Variants in USP9X observed in about 807,000 individuals in gnomAD.
The protein encoded by USP9X is ubiquitin specific peptidase 9 X-linked, also known as ubiquitin carboxyl-terminal hydrolase 9X.
A neutral mutation model predicts 190.3 loss-of-function variants in USP9X; 7 were observed. The observed-to-expected ratio is 0.04, with a 90% CI of 0.02 to 0.07. USP9X has a LOEUF of 0.07. Among genes scored for constraint, USP9X ranks in the 10% least tolerant of loss-of-function variants. The pLI is 1.00. For synonymous variants in USP9X, 645 were observed against 659.5 expected, an observed-to-expected ratio of 0.98 and a Z score of 0.34; for missense variants, 1,010 against 1,916.9, an observed-to-expected ratio of 0.53 and a Z score of 8.83.
intron 33 of USP9X, among the ~76,000 whole-genome samples, chrX:41,212,077 A>G (rs1459581595): frequency 8.9e-6 from 1 of 112,657 alleles, no homozygotes; most frequent in African/African-American, 3.2e-5. Context: ...CTGTGTAGAA[A>G]GAGGTAGACA....
chrX:41,217,759 G>A (rs750976097), intron 36 of USP9X, among the ~76,000 whole-genome samples: 2 of 110,920 alleles, frequency 1.8e-5, no homozygotes, highest in Non-Finnish European at 3.8e-5. Flanking sequence ...GTATGGTGGC[G>A]CACACCTGTA....
At chrX:41,089,191 A>T (rs930182542) in intron 1 of USP9X, among the ~76,000 whole-genome samples, 46 of 112,116 alleles carry the variant, frequency 4.1e-4, no homozygotes, top group African/African-American at 1.5e-3. Flanking sequence ...AGTTATTAGC[A>T]TGATTATCAT....
intron 32 of USP9X, among the ~76,000 whole-genome samples, chrX:41,209,576 C>G (rs2063141207): frequency 9.0e-6 from 1 of 111,389 alleles, no homozygotes; most frequent in African/African-American, 3.3e-5. Context: ...GGTACCTTTT[C>G]CCTTTTGAAA....
At chrX:41,124,790 C>T (rs1210095944) in intron 2 of USP9X, among the ~76,000 whole-genome samples, 4 of 111,946 alleles carry the variant, frequency 3.6e-5, no homozygotes, top group Non-Finnish European at 5.6e-5. Context: ...CGTTATGACT[C>T]TGGGTTAATT....
At chrX:41,103,370 T>C (rs761700436) in intron 1 of USP9X, among the ~76,000 whole-genome samples, 14 of 112,570 alleles carry the variant, frequency 1.2e-4, no homozygotes, top group South Asian at 1.1e-3. Flanking sequence ...TCCAGATGAC[T>C]GCCTCATAAT....
At chrX:41,148,627 G>A (rs1315298944) in intron 12 of USP9X, 52 bp downstream of exon 12, 5 of 1,083,735 alleles carry the variant, frequency 4.6e-6, no homozygotes, top group African/African-American at 3.7e-5. Flanking sequence ...CTTCAGTTAG[G>A]TTGGCTTAGT....
intron 1 of USP9X, among the ~76,000 whole-genome samples, chrX:41,086,520 C>G (rs1046228070): frequency 1.1e-3 from 119 of 112,409 alleles, no homozygotes; most frequent in Non-Finnish European, 2.0e-3. Flanking sequence ...CTTTCCTACC[C>G]GGTCTGGTTC....
At chrX:41,164,826 C>T (rs945255674) in intron 15 of USP9X, among the ~76,000 whole-genome samples, 1 of 111,772 alleles carries the variant, frequency 8.9e-6, no homozygotes, top group Non-Finnish European at 1.9e-5. Flanking sequence ...CCTATTAGAC[C>T]GGTAGTTTTT....
rs1569202110 is a variant in USP9X at position 41,223,376 on chromosome X, C to T, written c.6725C>T (p.Ser2242Phe). The part of the protein sequence containing the change: ...VSQLIRCCNV[S>F]SRMQSSINGN... The stretch of plus-strand genomic sequence containing the variant: ...CAGCTGATCCGCTGTTGCAATGTCT[C>T]TTCAAGAATGCAGTCTTCAATCAAT... Residue 2242 changes from serine to phenylalanine, a missense_variant, in exon 39 of 45, where the codon TCT becomes TTT. This residue lies in a region of USP9X where 121 missense variants were observed against 281.2 expected (regional missense o/e 0.43). Coordinates refer to ENST00000378308, the MANE Select transcript of USP9X (RefSeq NM_001039591.3). 3.3e-6 allele frequency: 4 copies of T among 1,210,151 alleles called. No homozygotes were observed. The highest frequency in any genetic ancestry group is 4.5e-6 in the Non-Finnish European group (4 of 895,150).
chrX:41,205,072 G>T (rs1245832804), intron 31 of USP9X: 1 of 289,179 alleles, frequency 3.5e-6, no homozygotes, highest in African/African-American at 2.7e-5. Context: ...CTATGCTAAT[G>T]CTACACTATA....
intron 26 of USP9X, among the ~76,000 whole-genome samples, chrX:41,194,590 T>C (rs773479755): frequency 4.5e-5 from 5 of 111,168 alleles, no homozygotes; most frequent in Non-Finnish European, 9.4e-5. Flanking sequence ...TTCTGAGTTA[T>C]CTAGTAACTA....
intron 1 of USP9X, among the ~76,000 whole-genome samples, chrX:41,108,840 G>A (rs1479086938): frequency 9.0e-6 from 1 of 111,310 alleles, no homozygotes; most frequent in Admixed American, 9.6e-5. Context: ...TTAGGACCAC[G>A]CTTTTCTTGA....
At chrX:41,132,630 T>C (rs2062332730) in intron 4 of USP9X, among the ~76,000 whole-genome samples, 3 of 110,552 alleles carry the variant, frequency 2.7e-5, no homozygotes, top group South Asian at 7.6e-4. Context: ...TTCTTTCTTT[T>C]TTTTTTGTAG....
intron 38 of USP9X, among the ~76,000 whole-genome samples, chrX:41,222,961 TGTCATA>T (rs769335553): frequency 4.5e-5 from 5 of 111,980 alleles, no homozygotes; most frequent in African/African-American, 6.5e-5. Context: ...GTGATTGGAA[TGTCATA>T]GTCATAGTCA....
At chrX:41,171,456 G>A (rs2147125865) in intron 20 of USP9X, among the ~76,000 whole-genome samples, 1 of 112,391 alleles carries the variant, frequency 8.9e-6, no homozygotes, top group Non-Finnish European at 1.9e-5. Flanking sequence ...CCTCCCGACA[G>A]AAATTTTAAT....
At chrX:41,166,981 C>G (rs1312974408) in intron 16 of USP9X, among the ~76,000 whole-genome samples, 1 of 111,630 alleles carries the variant, frequency 9.0e-6, no homozygotes, top group African/African-American at 3.3e-5. Flanking sequence ...ATCCCCTTTC[C>G]CCTCCCCAAC....
At chrX:41,120,916 G>C (rs1302666008) in intron 1 of USP9X, among the ~76,000 whole-genome samples, 2 of 104,454 alleles carry the variant, frequency 1.9e-5, no homozygotes, top group African/African-American at 7.1e-5. Context: ...TCATCTCACT[G>C]CTACCTCCGC....
chrX:41,165,778 T>C (rs2147113242), intron 15 of USP9X, 94 bp from the exon 16 acceptor site: 2 of 669,930 alleles, frequency 3.0e-6, no homozygotes, highest in Admixed American at 7.1e-5. Context: ...AGTTAAAATA[T>C]AATGGTGATA....
intron 5 of USP9X, among the ~76,000 whole-genome samples, chrX:41,135,058 T>A (rs2062359567): frequency 8.9e-6 from 1 of 112,167 alleles, no homozygotes; most frequent in South Asian, 3.7e-4. Context: ...GGGTTTAATC[T>A]CTCCTCTGGG....
Sources: gnomAD v4.1 joint callset for allele counts (sites outside exome capture counted in the v4.1 genomes callset) on GRCh38, gnomAD v4.1.1 for gene constraint, gnomAD v4.1.1 regional missense constraint, MANE v1.5 for transcripts, NCBI Gene and HGNC (gene_info 2026-07-23, HGNC 2026-07-21) for gene names.